THEMIS: variants seen among roughly 807,000 people sequenced by gnomAD.
The protein encoded by THEMIS is protein THEMIS.
In THEMIS, 37 loss-of-function variants were observed where a neutral mutation model predicts 52.6. The observed-to-expected ratio is 0.70, with a 90% confidence interval of 0.54 to 0.93. THEMIS has a LOEUF of 0.93. Ranked by LOEUF, THEMIS falls within the 40% of genes least tolerant of loss-of-function variation. THEMIS has a pLI of 0.00. For missense variants in THEMIS, 808 were observed against 763.1 expected, an observed-to-expected ratio of 1.06 and a Z score of -0.69; for synonymous variants, 292 against 272.7, an observed-to-expected ratio of 1.07 and a Z score of -0.70.
At chr6:127,913,924 G>A (rs1002527060) in intron 1 of THEMIS, among the ~76,000 whole-genome samples, 14 of 152,084 alleles carry the variant, frequency 9.2e-5, no homozygotes, top group Non-Finnish European at 2.9e-5. Flanking sequence ...AAATGGTGGA[G>A]GCCAAGTCTT....
intron 2 of THEMIS, among the ~76,000 whole-genome samples, chr6:127,849,407 G>A (rs753444590): frequency 2.0e-4 from 30 of 151,784 alleles, no homozygotes; most frequent in South Asian, 4.2e-4. Flanking sequence ...TTGGCAATGC[G>A]GGCTCTTTTT....
chr6:127,844,312 G>A (rs1351746326), intron 2 of THEMIS, among the ~76,000 whole-genome samples: 9 of 151,914 alleles, frequency 5.9e-5, no homozygotes, highest in Non-Finnish European at 1.3e-4. Context: ...TAAGAACAAT[G>A]TCTGGTACAT....
At chr6:127,762,515 C>G (rs1199573641) in intron 4 of THEMIS, among the ~76,000 whole-genome samples, 1 of 152,054 alleles carries the variant, frequency 6.6e-6, no homozygotes, top group Admixed American at 6.6e-5. Context: ...TCTCTGCCAG[C>G]TCTCAGATAA....
intron 1 of THEMIS, among the ~76,000 whole-genome samples, chr6:127,882,015 G>C (rs1279135831): frequency 6.9e-6 from 1 of 145,632 alleles, no homozygotes; most frequent in African/African-American, 2.5e-5. Context: ...AAAAAAAAAT[G>C]GTCTCCAAGT....
intron 4 of THEMIS, among the ~76,000 whole-genome samples, chr6:127,747,353 G>T: frequency 7.0e-6 from 1 of 142,278 alleles, no homozygotes; most frequent in Non-Finnish European, 1.5e-5. Flanking sequence ...TACAATTATA[G>T]ATATATAATA....
chr6:127,915,834 A>G (rs1032047004), intron 1 of THEMIS, among the ~76,000 whole-genome samples: 1 of 152,098 alleles, frequency 6.6e-6, no homozygotes, highest in Non-Finnish European at 1.5e-5. Flanking sequence ...TAAAAATACA[A>G]AAATTAGTCA....
At chr6:127,917,149 A>G (rs993401080) in intron 1 of THEMIS, among the ~76,000 whole-genome samples, 2 of 152,222 alleles carry the variant, frequency 1.3e-5, no homozygotes, top group Admixed American at 6.5e-5. Context: ...TGGATTATTC[A>G]GTTGCTAAGA....
At chr6:127,896,377 A>T (rs553545243) in intron 1 of THEMIS, among the ~76,000 whole-genome samples, 1 of 151,698 alleles carries the variant, frequency 6.6e-6, no homozygotes, top group African/African-American at 2.4e-5. Flanking sequence ...AAATGATTTT[A>T]AAAATACCAT....
At chr6:127,781,724 G>C (rs1038920747) in intron 4 of THEMIS, among the ~76,000 whole-genome samples, 2 of 152,152 alleles carry the variant, frequency 1.3e-5, no homozygotes, top group East Asian at 3.9e-4. Context: ...ACCAGTGGAG[G>C]CTGCAGAACA....
chr6:127,918,027 GA>G (rs1234295302), intron 1 of THEMIS, among the ~76,000 whole-genome samples: 2 of 152,166 alleles, frequency 1.3e-5, no homozygotes, highest in Middle Eastern at 3.2e-3. Flanking sequence ...TCATTGCAAG[GA>G]TAAGTATTGA....
chr6:127,706,394 C>T (rs76088416), downstream of THEMIS, among the ~76,000 whole-genome samples: 3,261 of 152,138 alleles, frequency 0.021, 118 homozygotes, highest in African/African-American at 0.075. Context: ...GGCTCACAAA[C>T]TTATCCAAGG....
chr6:127,903,249 C>T (rs1382033726), upstream of THEMIS, among the ~76,000 whole-genome samples: 1 of 151,982 alleles, frequency 6.6e-6, no homozygotes, highest in African/African-American at 2.4e-5. Context: ...TCACTTCTGA[C>T]ACACAGGCAA....
intron 1 of THEMIS, among the ~76,000 whole-genome samples, chr6:127,872,559 C>T (rs995183876): frequency 6.6e-6 from 1 of 151,746 alleles, no homozygotes; most frequent in Non-Finnish European, 1.5e-5. Context: ...GAGACTCTGT[C>T]TCAAAAGAAA....
chr6:127,832,268 C>T (rs886098138), intron 2 of THEMIS, among the ~76,000 whole-genome samples: 2 of 152,090 alleles, frequency 1.3e-5, no homozygotes, highest in African/African-American at 2.4e-5. Flanking sequence ...AGCTGTCTTG[C>T]TGGATGTCTC....
At chr6:127,853,279 C>T (rs1779494749) in intron 2 of THEMIS, among the ~76,000 whole-genome samples, 1 of 151,588 alleles carries the variant, frequency 6.6e-6, no homozygotes, top group Non-Finnish European at 1.5e-5. Flanking sequence ...ATTGTTACAT[C>T]TAATTAGAGT....
intron 1 of THEMIS, among the ~76,000 whole-genome samples, chr6:127,883,286 G>C (rs539263945): frequency 6.6e-6 from 1 of 151,870 alleles, no homozygotes; most frequent in African/African-American, 2.4e-5. Context: ...TTTACTGTAA[G>C]TTTTATCCCT....
chr6:127,897,935 A>G (rs76486979), intron 1 of THEMIS, among the ~76,000 whole-genome samples: 5 of 151,318 alleles, frequency 3.3e-5, no homozygotes, highest in African/African-American at 4.9e-5. Flanking sequence ...TAATGGAATA[A>G]CATACACTGA....
At chr6:127,842,698 C>T (rs1197988726) in intron 2 of THEMIS, among the ~76,000 whole-genome samples, 1 of 151,934 alleles carries the variant, frequency 6.6e-6, no homozygotes, top group Non-Finnish European at 1.5e-5. Flanking sequence ...TCTTTCTCCT[C>T]ACCTCAAAGG....
chr6:127,829,953 G>A lies in THEMIS; in HGVS notation c.251-19C>T, dbSNP rs1778645136. ...AAAAGACCTAAGAACAGAATTACGT[G>A]AATTAAAAAGAGAGTTCTTACAATG... is the stretch of plus-strand genomic sequence containing the variant. On this transcript the variant is annotated intron_variant, in intron 2 of 5. Transcript: ENST00000368248. 1.9e-6 allele frequency: 3 copies of A among 1,546,892 alleles called. No homozygotes were observed. The highest frequency in any genetic ancestry group is 1.2e-5 in the South Asian group (1 of 84,100).
Sources: allele counts gnomAD v4.1 joint callset (sites outside exome capture counted in the v4.1 genomes callset), GRCh38; gene constraint gnomAD v4.1.1; transcripts MANE v1.5; gene names NCBI Gene and HGNC (gene_info 2026-07-23, HGNC 2026-07-21).